Variants in GTF2F2 observed in about 807,000 individuals in gnomAD.
The protein encoded by GTF2F2 is general transcription factor IIF subunit 2.
A neutral mutation model predicts 42.2 loss-of-function variants in GTF2F2; 23 were observed. The observed-to-expected ratio is 0.55, with a 90% CI of 0.39 to 0.77. The LOEUF (loss-of-function observed/expected upper bound fraction) is 0.77. Ranked by LOEUF, GTF2F2 falls within the 30% of genes least tolerant of loss-of-function variation. The pLI is 0.00. For synonymous variants in GTF2F2, 105 were observed against 100.8 expected, an observed-to-expected ratio of 1.04 and a Z score of -0.25; for missense variants, 261 against 287.2, an observed-to-expected ratio of 0.91 and a Z score of 0.66.
intron 4 of GTF2F2, among the ~76,000 whole-genome samples, chr13:45,204,590 GAA>G (rs1484167920): frequency 6.6e-6 from 1 of 152,130 alleles, no homozygotes. Context: ...GCAGTATTTT[GAA>G]AAAGACAAGA....
At chr13:45,223,262 TAAAAAAA>T (rs60690884) in intron 5 of GTF2F2, among the ~76,000 whole-genome samples, 11,396 of 96,744 alleles carry the variant, frequency 0.12, 931 homozygotes, top group African/African-American at 0.32. Context: ...CTTGTCTCAA[TAAAAAAA>T]AAAAAAAAAA....
intron 5 of GTF2F2, among the ~76,000 whole-genome samples, chr13:45,240,593 C>CA: frequency 6.6e-6 from 1 of 152,184 alleles, no homozygotes; most frequent in Non-Finnish European, 1.5e-5. Context: ...TTTGGGAGGC[C>CA]AAGGTGGTTG....
intron 4 of GTF2F2, 148 bp downstream of exon 4, chr13:45,151,979 G>A (rs985610026): frequency 1.9e-5 from 9 of 478,202 alleles, no homozygotes; most frequent in Non-Finnish European, 3.2e-5. Flanking sequence ...CCAATGGCAC[G>A]ATCTTGGCTC....
chr13:45,276,685 C>T (rs553180393), intron 7 of GTF2F2, among the ~76,000 whole-genome samples: 1 of 152,306 alleles, frequency 6.6e-6, no homozygotes, highest in African/African-American at 2.4e-5. Context: ...AGGTGATCCA[C>T]CTGCCTCGGC....
At chr13:45,135,651 G>A (rs994628546) in intron 1 of GTF2F2, among the ~76,000 whole-genome samples, 2 of 152,106 alleles carry the variant, frequency 1.3e-5, no homozygotes, top group Non-Finnish European at 1.5e-5. Context: ...AATTTTTGCT[G>A]TACCAAGGTA....
chr13:45,223,419 C>T (rs1018770739), intron 5 of GTF2F2, among the ~76,000 whole-genome samples: 1 of 152,046 alleles, frequency 6.6e-6, no homozygotes, highest in Non-Finnish European at 1.5e-5. Flanking sequence ...GTTTACCAAT[C>T]CTGTCGGGTA....
intron 7 of GTF2F2, among the ~76,000 whole-genome samples, chr13:45,274,105 A>C (rs895255166): frequency 2.6e-5 from 4 of 152,080 alleles, no homozygotes; most frequent in Admixed American, 2.6e-4. Context: ...TCACTTCGGT[A>C]TTGCAGCATT....
intron 5 of GTF2F2, among the ~76,000 whole-genome samples, chr13:45,216,743 TCCTGACCTCAAGTGATCCAC>T (rs1873904791): frequency 1.3e-5 from 2 of 151,902 alleles, no homozygotes; most frequent in Admixed American, 1.3e-4. Context: ...GCTCTCGAAC[TCCTGACCTCAAGTGATCCAC>T]CCGCTTCAGC....
intron 4 of GTF2F2, among the ~76,000 whole-genome samples, chr13:45,169,638 T>C (rs1432087802): frequency 6.6e-6 from 1 of 152,220 alleles, no homozygotes; most frequent in Non-Finnish European, 1.5e-5. Flanking sequence ...AAATTTTAAT[T>C]GAAACATAAC....
chr13:45,179,373 G>A (rs1872037864), intron 4 of GTF2F2, among the ~76,000 whole-genome samples: 2 of 152,266 alleles, frequency 1.3e-5, no homozygotes, highest in South Asian at 4.1e-4. Flanking sequence ...GTTACAAGGT[G>A]GAATCTTTTT....
In GTF2F2 at chr13:45,212,494, T is replaced by TCTTTCTTTCTTTCTTC. The variant is rs1400069521; in HGVS notation, c.386+5004_386+5005insCCTTTCTTTCTTTCTT. The stretch of plus-strand genomic sequence containing the variant: ...TTCTTTCTTTCTTTCTTTCTTTCTT[T>TCTTTCTTTCTTTCTTC]CTTTCTTTCTTTCTTTTCTTTCTTT... On this transcript the variant is annotated intron_variant, in intron 5 of 7. Transcript: ENST00000340473. 1.5e-4 allele frequency among the ~76,000 whole-genome samples: 18 copies of TCTTTCTTTCTTTCTTC among 120,658 alleles called. No homozygotes were observed. In the East Asian group the frequency reaches 2.4e-3, roughly 16 times the overall value. 79.2% of individuals were successfully genotyped at this position (120,658 alleles called of 152,430 possible). A position where few individuals can be genotyped will look rare whatever the true frequency, so the allele number is the denominator to read the frequency against.
At chr13:45,196,713 A>G (rs1450467002) in intron 4 of GTF2F2, among the ~76,000 whole-genome samples, 2 of 152,226 alleles carry the variant, frequency 1.3e-5, no homozygotes, top group African/African-American at 4.8e-5. Context: ...TGATGTGGAT[A>G]GATACTATGT....
intron 4 of GTF2F2, among the ~76,000 whole-genome samples, chr13:45,155,603 T>C (rs1870718413): frequency 6.6e-6 from 1 of 152,212 alleles, no homozygotes; most frequent in Non-Finnish European, 1.5e-5. Flanking sequence ...TGTTTTCTCA[T>C]TAATTAAAAT....
At chr13:45,208,158 G>A (rs950159584) in intron 5 of GTF2F2, among the ~76,000 whole-genome samples, 5 of 151,944 alleles carry the variant, frequency 3.3e-5, no homozygotes, top group Non-Finnish European at 2.9e-5. Context: ...TATAAAGCAA[G>A]TGTAGTTGCC....
intron 5 of GTF2F2, among the ~76,000 whole-genome samples, chr13:45,226,056 C>CG (rs1874336880): frequency 7.0e-6 from 1 of 142,960 alleles, no homozygotes; most frequent in African/African-American, 2.9e-5. Context: ...TGATTATATC[C>CG]GGAAAAAAAA....
intron 4 of GTF2F2, among the ~76,000 whole-genome samples, chr13:45,160,651 A>G (rs193115370): frequency 3.3e-5 from 5 of 152,348 alleles, no homozygotes; most frequent in Admixed American, 1.3e-4. Flanking sequence ...TTTTATCAGA[A>G]AAGTTTTTAA....
chr13:45,216,010 G>C (rs1873873179), intron 5 of GTF2F2, among the ~76,000 whole-genome samples: 1 of 152,082 alleles, frequency 6.6e-6, no homozygotes, highest in Admixed American at 6.5e-5. Context: ...CCGGCACTTT[G>C]GGAGGCCGAG....
At chr13:45,224,234 T>C (rs976745609) in intron 5 of GTF2F2, among the ~76,000 whole-genome samples, 9 of 152,248 alleles carry the variant, frequency 5.9e-5, no homozygotes, top group African/African-American at 1.9e-4. Flanking sequence ...CAGTCCCCTC[T>C]TATCAGGTAT....
intron 5 of GTF2F2, among the ~76,000 whole-genome samples, chr13:45,241,268 G>A (rs1453041291): frequency 6.6e-6 from 1 of 151,820 alleles, no homozygotes; most frequent in African/African-American, 2.4e-5. Context: ...CCTACAGGGT[G>A]ATAAACAGCT....
Sources: gnomAD v4.1 joint callset for allele counts (sites outside exome capture counted in the v4.1 genomes callset) on GRCh38, gnomAD v4.1.1 for gene constraint, MANE v1.5 for transcripts, NCBI Gene and HGNC (gene_info 2026-07-23, HGNC 2026-07-21) for gene names.